The following FOXP1 variants were observed in gnomAD, a reference collection of about 807,000 sequenced individuals.
FOXP1 encodes the protein forkhead box protein P1.
FOXP1 carries 15 observed loss-of-function variants against 98.2 expected under a neutral mutation model. The observed-to-expected ratio is 0.15, with a 90% CI of 0.10 to 0.24. The LOEUF is 0.24. Ranked by LOEUF, FOXP1 falls within the 10% of genes least tolerant of loss-of-function variation. The pLI, the probability that FOXP1 is intolerant of heterozygous loss-of-function variation, is 1.00. For synonymous variants in FOXP1, 371 were observed against 314.5 expected (o/e 1.18, Z -1.90); for missense variants, 633 against 848.5 (o/e 0.75, Z 3.15).
chr3:71,369,183 T>C (rs1474595534), intron 3 of FOXP1, among the ~76,000 whole-genome samples: 1 of 151,936 alleles, frequency 6.6e-6, no homozygotes, highest in East Asian at 2.0e-4. Flanking sequence ...AGGTCAGGCG[T>C]TCGAGACCAG....
intron 6 of FOXP1, among the ~76,000 whole-genome samples, chr3:71,127,588 A>G (rs564831356): frequency 1.3e-5 from 2 of 152,322 alleles, no homozygotes; most frequent in South Asian, 2.1e-4. Context: ...ACACTTTCTC[A>G]TGAGACTGCC....
intron 6 of FOXP1, among the ~76,000 whole-genome samples, chr3:71,184,916 G>C (rs561549890): frequency 2.6e-5 from 4 of 152,236 alleles, no homozygotes; most frequent in African/African-American, 9.6e-5. Context: ...TTAGAGGCTG[G>C]GTGTGGTGGC....
At chr3:71,026,868 C>T (rs942477352) in intron 11 of FOXP1, among the ~76,000 whole-genome samples, 17 of 152,054 alleles carry the variant, frequency 1.1e-4, no homozygotes, top group African/African-American at 3.4e-4. Context: ...ACAATGCAAT[C>T]GCAAACAGAG....
chr3:71,025,992 C>T (rs2046062770), intron 11 of FOXP1, among the ~76,000 whole-genome samples: 1 of 152,166 alleles, frequency 6.6e-6, no homozygotes, highest in African/African-American at 2.4e-5. Context: ...GGCAGGGTTT[C>T]CATGCACTTG....
At chr3:71,380,158 T>A (rs569469756) in intron 3 of FOXP1, among the ~76,000 whole-genome samples, 1 of 152,148 alleles carries the variant, frequency 6.6e-6, no homozygotes, top group South Asian at 2.1e-4. Context: ...CCAAAGACTA[T>A]GTAAATAAGA....
intron 5 of FOXP1, among the ~76,000 whole-genome samples, chr3:71,199,251 C>T (rs1176930610): frequency 6.6e-6 from 1 of 151,870 alleles, no homozygotes; most frequent in Non-Finnish European, 1.5e-5. Flanking sequence ...ATTACAGATG[C>T]CCACCACCAG....
chr3:71,506,806 C>G (rs550864770), intron 2 of FOXP1, among the ~76,000 whole-genome samples: 3 of 152,348 alleles, frequency 2.0e-5, no homozygotes, highest in African/African-American at 7.2e-5. Context: ...ATCAGGGCAC[C>G]TGGGTTCAGC....
intron 8 of FOXP1, among the ~76,000 whole-genome samples, chr3:71,053,348 T>C (rs892912392): frequency 1.2e-4 from 18 of 152,182 alleles, no homozygotes; most frequent in African/African-American, 4.3e-4. Flanking sequence ...TTAGGAGCCA[T>C]GTAAACCTAA....
At chr3:71,337,396 T>C (rs2107759239) in intron 4 of FOXP1, among the ~76,000 whole-genome samples, 1 of 152,332 alleles carries the variant, frequency 6.6e-6, no homozygotes, top group South Asian at 2.1e-4. Flanking sequence ...CAGTAGACAA[T>C]GGCTACCTTT....
At chr3:71,022,275 G>A (rs936415192) in intron 11 of FOXP1, among the ~76,000 whole-genome samples, 6 of 152,024 alleles carry the variant, frequency 3.9e-5, no homozygotes, top group East Asian at 1.9e-4. Flanking sequence ...AAATGTAAGC[G>A]TTGGCATTTT....
intron 4 of FOXP1, among the ~76,000 whole-genome samples, chr3:71,315,097 A>G (rs990853819): frequency 1.4e-5 from 2 of 141,430 alleles, no homozygotes; most frequent in African/African-American, 2.6e-5. Flanking sequence ...AAAAAAAAAA[A>G]AAAAAAAAAA....
chr3:71,066,528 G>C (rs1342561420), intron 7 of FOXP1, among the ~76,000 whole-genome samples: 2 of 152,036 alleles, frequency 1.3e-5, no homozygotes, highest in East Asian at 3.8e-4. Flanking sequence ...ACTATCAGTA[G>C]AGTTCTGACT....
At chr3:71,147,726 C>G (rs937142597) in intron 6 of FOXP1, among the ~76,000 whole-genome samples, 3 of 152,082 alleles carry the variant, frequency 2.0e-5, no homozygotes, top group Non-Finnish European at 4.4e-5. Flanking sequence ...TATCAACAAC[C>G]AAATGAATAA....
At chr3:71,548,692 C>T (rs1252270174) in intron 2 of FOXP1, among the ~76,000 whole-genome samples, 1 of 152,208 alleles carries the variant, frequency 6.6e-6, no homozygotes, top group African/African-American at 2.4e-5. Context: ...AGTCACCGCA[C>T]ACAACCCCAT....
At chr3:71,260,132 T>G (rs938016046) in intron 5 of FOXP1, among the ~76,000 whole-genome samples, 1 of 152,136 alleles carries the variant, frequency 6.6e-6, no homozygotes, top group Non-Finnish European at 1.5e-5. Context: ...TACAGGCACC[T>G]GCCACCACGC....
At chr3:71,423,921 C>T (rs2083874678) in intron 3 of FOXP1, among the ~76,000 whole-genome samples, 1 of 152,218 alleles carries the variant, frequency 6.6e-6, no homozygotes, top group Non-Finnish European at 1.5e-5. Flanking sequence ...GATGCACCAG[C>T]AGAAATATAT....
intron 10 of FOXP1, among the ~76,000 whole-genome samples, chr3:71,045,276 T>C (rs1301659552): frequency 6.6e-6 from 1 of 152,232 alleles, no homozygotes; most frequent in Non-Finnish European, 1.5e-5. Context: ...GATATGTTAC[T>C]GCAGAGATTA....
intron 3 of FOXP1, among the ~76,000 whole-genome samples, chr3:71,424,984 T>C (rs11917652): frequency 0.47 from 71,971 of 152,158 alleles, 18,141 homozygotes; most frequent in Non-Finnish European, 0.56. Context: ...ATACTCTCAG[T>C]GTTTACTCAG....
chr3:71,061,320 G>A (rs2051441012), intron 7 of FOXP1, among the ~76,000 whole-genome samples: 1 of 152,144 alleles, frequency 6.6e-6, no homozygotes, highest in Admixed American at 6.6e-5. Context: ...CCCCAAGAGA[G>A]CTACAGCTCA....
Sources: allele counts gnomAD v4.1 joint callset (sites outside exome capture counted in the v4.1 genomes callset), GRCh38; gene constraint gnomAD v4.1.1; transcripts MANE v1.5; gene names NCBI Gene and HGNC (gene_info 2026-07-23, HGNC 2026-07-21).